HS6ST3: variants seen among roughly 807,000 people sequenced by gnomAD.
The protein encoded by HS6ST3 is heparan sulfate 6-O-sulfotransferase 3.
In HS6ST3, 12 loss-of-function variants were observed where a neutral mutation model predicts 36.7. That is an observed-to-expected ratio of 0.33 (90% CI 0.21 to 0.53). The LOEUF is 0.53. Among genes scored for constraint, HS6ST3 ranks in the 20% least tolerant of loss-of-function variants. The probability of loss-of-function intolerance (pLI) is 0.95; values close to 1 mark genes in which losing one functional copy is unlikely to be tolerated. For synonymous variants in HS6ST3, 240 were observed against 257.5 expected, an observed-to-expected ratio of 0.93 and a Z score of 0.65; for missense variants, 584 against 640.9, an observed-to-expected ratio of 0.91 and a Z score of 0.96.
chr13:96,734,697 G>A (rs748290938), intron 1 of HS6ST3, among the ~76,000 whole-genome samples: 7 of 152,084 alleles, frequency 4.6e-5, no homozygotes, highest in African/African-American at 1.2e-4. Flanking sequence ...CAGTGTTATC[G>A]TGGCCATCTC....
intron 1 of HS6ST3, among the ~76,000 whole-genome samples, chr13:96,491,787 T>TG (rs1446740202): frequency 2.3e-4 from 35 of 152,194 alleles, no homozygotes; most frequent in African/African-American, 8.0e-4. Flanking sequence ...TCATGCTGCC[T>TG]GTATTCATTT....
intron 1 of HS6ST3, among the ~76,000 whole-genome samples, chr13:96,466,351 C>A (rs1484717443): frequency 6.6e-6 from 1 of 152,136 alleles, no homozygotes; most frequent in Admixed American, 6.6e-5. Context: ...TAACTATAGT[C>A]ACCATGTTGT....
At chr13:96,673,579 A>G (rs529713898) in intron 1 of HS6ST3, among the ~76,000 whole-genome samples, 12 of 152,204 alleles carry the variant, frequency 7.9e-5, no homozygotes, top group Non-Finnish European at 1.5e-4. Flanking sequence ...TAATTCTCCT[A>G]TATTTTCCCT....
chr13:96,378,471 A>T (rs2055325226), intron 1 of HS6ST3, among the ~76,000 whole-genome samples: 1 of 152,096 alleles, frequency 6.6e-6, no homozygotes, highest in African/African-American at 2.4e-5. Flanking sequence ...ATTCCTGGAA[A>T]CTGTTCTACC....
At chr13:96,470,168 G>A (rs904552925) in intron 1 of HS6ST3, among the ~76,000 whole-genome samples, 1 of 152,114 alleles carries the variant, frequency 6.6e-6, no homozygotes, top group East Asian at 1.9e-4. Flanking sequence ...TTGTCTTGGT[G>A]TCATTGCTGG....
chr13:96,102,265 G>T (rs967128259), intron 1 of HS6ST3, among the ~76,000 whole-genome samples: 1 of 152,186 alleles, frequency 6.6e-6, no homozygotes, highest in African/African-American at 2.4e-5. Context: ...CTCACAACAT[G>T]AAGGAACCTG....
chr13:96,620,136 A>G (rs1388354287), intron 1 of HS6ST3, among the ~76,000 whole-genome samples: 6 of 152,230 alleles, frequency 3.9e-5, no homozygotes, highest in African/African-American at 1.4e-4. Flanking sequence ...TGCATGACTT[A>G]CCTGAGTGAT....
At chr13:96,313,386 T>C (rs2054951408) in intron 1 of HS6ST3, among the ~76,000 whole-genome samples, 1 of 151,882 alleles carries the variant, frequency 6.6e-6, no homozygotes. Context: ...TAAATCCCTA[T>C]CATGTTTAAA....
At chr13:96,695,781 T>A (rs1308335113) in intron 1 of HS6ST3, among the ~76,000 whole-genome samples, 1 of 152,002 alleles carries the variant, frequency 6.6e-6, no homozygotes, top group African/African-American at 2.4e-5. Context: ...AAAAATTTAG[T>A]ATAAAAATGT....
intron 1 of HS6ST3, among the ~76,000 whole-genome samples, chr13:96,337,760 TTC>T (rs1000630598): frequency 6.6e-6 from 1 of 152,102 alleles, no homozygotes; most frequent in Non-Finnish European, 1.5e-5. Context: ...TCCCTCTATT[TTC>T]TCTGTTTTTT....
At chr13:96,348,644 G>A (rs919971559) in intron 1 of HS6ST3, among the ~76,000 whole-genome samples, 1 of 152,150 alleles carries the variant, frequency 6.6e-6, no homozygotes, top group African/African-American at 2.4e-5. Flanking sequence ...TTTTTACAAG[G>A]ACTGCAGGCA....
At chr13:96,772,677 A>G (rs1259570381) in intron 1 of HS6ST3, among the ~76,000 whole-genome samples, 3 of 152,216 alleles carry the variant, frequency 2.0e-5, no homozygotes, top group African/African-American at 2.4e-5. Context: ...CCGAAGTTAT[A>G]TAAGTACATC....
At chr13:96,426,940 T>C (rs1217281447) in intron 1 of HS6ST3, among the ~76,000 whole-genome samples, 1 of 152,012 alleles carries the variant, frequency 6.6e-6, no homozygotes, top group East Asian at 1.9e-4. Flanking sequence ...ACTAGTAGAG[T>C]TGTTCTCTAC....
intron 1 of HS6ST3, among the ~76,000 whole-genome samples, chr13:96,483,287 C>T (rs995080235): frequency 3.3e-5 from 5 of 152,046 alleles, no homozygotes; most frequent in Non-Finnish European, 7.3e-5. Flanking sequence ...GTGGCGCTTA[C>T]GAGGTGAATA....
chr13:96,457,319 T>C (rs2055759013), intron 1 of HS6ST3, among the ~76,000 whole-genome samples: 1 of 152,118 alleles, frequency 6.6e-6, no homozygotes, highest in Non-Finnish European at 1.5e-5. Context: ...ATGGACTACT[T>C]TAAGACAACC....
chr13:96,270,467 T>G (rs771205233), intron 1 of HS6ST3, among the ~76,000 whole-genome samples: 2 of 152,006 alleles, frequency 1.3e-5, no homozygotes, highest in Non-Finnish European at 2.9e-5. Flanking sequence ...TTGTCTCTTT[T>G]AATTTGAAAC....
At chr13:96,473,160 G>A (rs1048546177) in intron 1 of HS6ST3, among the ~76,000 whole-genome samples, 2 of 152,160 alleles carry the variant, frequency 1.3e-5, no homozygotes, top group Non-Finnish European at 2.9e-5. Context: ...TACACAGGAA[G>A]CACTCTTGCC....
chr13:96,658,258 T>C (rs1184505606), intron 1 of HS6ST3, among the ~76,000 whole-genome samples: 1 of 125,482 alleles, frequency 8.0e-6, no homozygotes, highest in African/African-American at 2.8e-5. Context: ...CTTCTTCTTC[T>C]CTTCTTCTTC....
At chr13:96,802,432 C>T (rs937081084) in intron 1 of HS6ST3, among the ~76,000 whole-genome samples, 3 of 152,190 alleles carry the variant, frequency 2.0e-5, no homozygotes, top group Non-Finnish European at 4.4e-5. Flanking sequence ...CAAAAACTCA[C>T]TTTGTGAGGA....
Sources: allele counts gnomAD v4.1 joint callset (sites outside exome capture counted in the v4.1 genomes callset), GRCh38; gene constraint gnomAD v4.1.1; transcripts MANE v1.5; gene names NCBI Gene and HGNC (gene_info 2026-07-23, HGNC 2026-07-21).